SLC7A8: variants seen among roughly 807,000 people sequenced by gnomAD.
The protein encoded by SLC7A8 is solute carrier family 7 member 8.
In SLC7A8, 30 loss-of-function variants were observed where a neutral mutation model predicts 51.2. The observed-to-expected ratio is 0.59, with a 90% CI of 0.44 to 0.80. SLC7A8 has a LOEUF of 0.80. Ranked by LOEUF, SLC7A8 falls within the 30% of genes least tolerant of loss-of-function variation. The pLI, the probability that SLC7A8 is intolerant of heterozygous loss-of-function variation, is 0.00. For synonymous variants in SLC7A8, 257 were observed against 275.8 expected (o/e 0.93, Z 0.67); for missense variants, 612 against 674.4 (o/e 0.91, Z 1.03).
In SLC7A8 at chr14:23,129,762, A is replaced by C; in HGVS notation, c.1151T>G (p.Met384Arg). The change falls in exon 9 of 11, where the codon ATG becomes AGG. Residue 384 changes from methionine (M) to arginine (R), a missense_variant. Coordinates refer to ENST00000316902, the MANE Select transcript of SLC7A8 (RefSeq NM_012244.4). ...STLLMLVTSD[M>R]YTLINYVGFI... ...GCCCACATAGTTGATGAGTGTGTAC[A>C]TGTCGCTGGTGACCAGCATCAGCAG... 1 of 1,614,188 alleles carries C rather than the reference A, an allele frequency of 6.2e-7. No individual in the cohort carries two copies. Among genetic ancestry groups the C allele is most frequent in the Non-Finnish European group, 8.5e-7 (1 of 1,180,018 alleles).
At chr14:23,154,413 C>T (rs2048873623) in intron 3 of SLC7A8, 3 of 993,936 alleles carry the variant, frequency 3.0e-6, no homozygotes, top group Non-Finnish European at 2.4e-6. Context: ...AGCCGCTGGG[C>T]AGGGAAGCCG....
At chr14:23,177,605 A>G (rs1306238297) in intron 1 of SLC7A8, among the ~76,000 whole-genome samples, 2 of 152,206 alleles carry the variant, frequency 1.3e-5, no homozygotes, top group African/African-American at 4.8e-5. Context: ...ACATACCTAG[A>G]TACGTGACTG....
chr14:23,146,397 C>A (rs1239205866), intron 3 of SLC7A8, among the ~76,000 whole-genome samples: 1 of 152,174 alleles, frequency 6.6e-6, no homozygotes, highest in Non-Finnish European at 1.5e-5. Flanking sequence ...AAGCAGACCA[C>A]CTCCCTGTGT....
chr14:23,161,244 A>G (rs2140332023), intron 3 of SLC7A8, among the ~76,000 whole-genome samples: 1 of 151,572 alleles, frequency 6.6e-6, no homozygotes, highest in Admixed American at 6.6e-5. Flanking sequence ...AAACAGCCCC[A>G]CCATGGAACC....
In SLC7A8 at chr14:23,140,484, C is replaced by A. The variant is rs750662210; in HGVS notation, c.775G>T (p.Val259Phe). 8 of 1,612,668 alleles carry A rather than the reference C, an allele frequency of 5.0e-6. No homozygotes were observed. Among genetic ancestry groups the A allele is most frequent in the Non-Finnish European group, 6.8e-6 (8 of 1,178,804 alleles). Residue 259 changes from valine (V) to phenylalanine (F), a missense_variant, in exon 5 of 11, where the codon GTT (valine) becomes TTT (phenylalanine). By Grantham distance (50) the Val-to-Phe change is conservative (BLOSUM62 -1). Transcript: ENST00000316902. ...NFLNYVTEEL[V>F]DPYKNLPRAI... Reference sequence around the variant, plus strand: ...CTTTCAACTCACTTGTAGGGATCAACAAGCTCCTCAGTCACGTAATTCAGA... The same window carrying A: ...CTTTCAACTCACTTGTAGGGATCAAAAAGCTCCTCAGTCACGTAATTCAGA...
At chr14:23,145,501 T>C (rs2048785620) in intron 3 of SLC7A8, among the ~76,000 whole-genome samples, 1 of 143,076 alleles carries the variant, frequency 7.0e-6, no homozygotes, top group Non-Finnish European at 1.5e-5. Context: ...TTCTCCAGCG[T>C]GGGTGACAGA....
chr14:23,136,733 G>T (rs1192490709), intron 7 of SLC7A8, among the ~76,000 whole-genome samples: 1 of 152,216 alleles, frequency 6.6e-6, no homozygotes, highest in East Asian at 1.9e-4. Flanking sequence ...TGCTAGGCCT[G>T]CCTGAGGGAC....
In SLC7A8 at chr14:23,128,330, C is replaced by A; in HGVS notation, c.1264-134G>T. On this transcript the variant is annotated intron_variant, in intron 9 of 10. Transcript: ENST00000316902. The surrounding 1 kb of genome is among the most constrained non-coding windows in gnomAD (Gnocchi z 4.3). ...GGCAAAGGCTGGGCTTCCCTCGGCT[C>A]TGTGGTCCCACACTCACCCCTGGTA... 1.3e-6 allele frequency: 2 copies of A among 1,543,058 alleles called. No homozygotes were observed. Among genetic ancestry groups the A allele is most frequent in the Non-Finnish European group, 1.7e-6 (2 of 1,147,580 alleles).
intron 7 of SLC7A8, among the ~76,000 whole-genome samples, chr14:23,137,358 C>A (rs1486251320): frequency 6.6e-6 from 1 of 152,118 alleles, no homozygotes. Flanking sequence ...TCATGGGTGG[C>A]CTCAAAAAGG....
At position 23,182,530 on chromosome 14, in the gene SLC7A8, A is replaced by C. The variant is rs138984932; in HGVS notation, c.151+234T>G. ...ATCATCAGCCGGGTTTCTGACCACGATTTGCTCCATTCTATGAACACTGGG... is the reference window on the plus strand; with the variant it reads ...ATCATCAGCCGGGTTTCTGACCACGCTTTGCTCCATTCTATGAACACTGGG... On this transcript the variant is annotated intron_variant, in intron 1 of 10. Transcript: ENST00000316902. Among the ~76,000 whole-genome samples the C allele has an allele frequency of 3.8e-3, 571 of 152,186 alleles. 4 individuals carry two copies. Among genetic ancestry groups the C allele is most frequent in the African/African-American group, 0.013 (549 of 41,510 alleles).
chr14:23,131,065 G>C (rs1243698032), intron 8 of SLC7A8, among the ~76,000 whole-genome samples: 2 of 152,226 alleles, frequency 1.3e-5, no homozygotes, highest in Non-Finnish European at 1.5e-5. Context: ...AGCTTGATGG[G>C]GGAAGTGGGT....
Position 23,128,484 on chromosome 14 carries a change from T to A in SLC7A8, c.1264-288A>T. ...CTCTTGGGTGTGGTTAGACAAGGCC[T>A]CATCATGCATGCCATGTGCCCGTGG... On this transcript the variant is annotated intron_variant, in intron 9 of 10. Transcript: ENST00000316902. This position sits in a 1 kb window ranked among gnomAD's most constrained non-coding sequence, Gnocchi z 4.3. The A allele has an allele frequency of 1.1e-6, 1 of 871,662 alleles. No homozygotes were observed. Among genetic ancestry groups the A allele is most frequent in the Non-Finnish European group, 1.7e-6 (1 of 588,242 alleles). The allele number at this position is 871,662 out of a possible 1,614,324, so 54.0% of individuals were successfully genotyped here.
chr14:23,129,489 A>T (rs943499037), intron 9 of SLC7A8, 161 bp downstream of exon 9: 2 of 710,596 alleles, frequency 2.8e-6, no homozygotes, highest in Non-Finnish European at 4.6e-6. Flanking sequence ...GAATGGAAAT[A>T]GTGGTCCCAT....
intron 1 of SLC7A8, among the ~76,000 whole-genome samples, chr14:23,173,539 G>A (rs1415331929): frequency 1.3e-5 from 2 of 152,158 alleles, no homozygotes; most frequent in Non-Finnish European, 2.9e-5. Flanking sequence ...ATCATCAATG[G>A]TTCCCCCCAT....
In SLC7A8 at chr14:23,175,958, A is replaced by G. The variant is rs191680138; in HGVS notation, c.151+6806T>C. ...ATGTGTTTGTTTTGAAATACCTCCTAGCTGGCTTCTGTCCCAGAATTTTAT... is the reference window on the plus strand; with the variant it reads ...ATGTGTTTGTTTTGAAATACCTCCTGGCTGGCTTCTGTCCCAGAATTTTAT... On this transcript the variant is annotated intron_variant, in intron 1 of 10. Coordinates refer to ENST00000316902, the MANE Select transcript of SLC7A8 (RefSeq NM_012244.4). 2.9e-3 allele frequency among the ~76,000 whole-genome samples: 448 copies of G among 152,306 alleles called. 1 individual carries two copies. The highest frequency in any genetic ancestry group is 4.4e-3 in the Non-Finnish European group (299 of 68,018).
chr14:23,131,623 C>CCTTGCCTACCTTCTGCCCACA (rs2048634524), intron 7 of SLC7A8, 66 bp from the exon 8 acceptor site: 2 of 1,278,044 alleles, frequency 1.6e-6, no homozygotes, highest in Admixed American at 5.5e-5. Flanking sequence ...GCTCCTTCAT[C>CCTTGCCTACCTTCTGCCCACA]CTTGCCTACC....
chr14:23,143,212 G>T lies in SLC7A8; in HGVS notation c.509-8C>A. On this transcript the variant is annotated splice_polypyrimidine_tract_variant and splice_region_variant and intron_variant, in intron 3 of 10. Transcript: ENST00000316902. ...TGACCCATGTGAGGAGCACTGAAAT[G>T]AAAGACCCCCAAACAGACCTTCAGG... 6.2e-7 allele frequency: 1 copy of T among 1,614,098 alleles called. No individual in the cohort carries two copies.
chr14:23,180,105 A>G (rs901324234), intron 1 of SLC7A8, among the ~76,000 whole-genome samples: 16 of 151,990 alleles, frequency 1.1e-4, no homozygotes, highest in Non-Finnish European at 1.3e-4. Context: ...ACGAGGTTTC[A>G]CCGTGTTAGC....
chr14:23,127,720 T>A (rs1378969285), intron 10 of SLC7A8, among the ~76,000 whole-genome samples: 2 of 152,220 alleles, frequency 1.3e-5, no homozygotes, highest in African/African-American at 4.8e-5. Flanking sequence ...TGGGCTCAAG[T>A]GATCCTCTGT....
Sources: gnomAD v4.1 joint callset for allele counts (sites outside exome capture counted in the v4.1 genomes callset) on GRCh38, gnomAD v4.1.1 for gene constraint, Gnocchi (gnomAD v3.1) non-coding constraint, MANE v1.5 for transcripts, NCBI Gene and HGNC (gene_info 2026-07-23, HGNC 2026-07-21) for gene names.